Variants in TENM3 observed in about 807,000 individuals in gnomAD.
TENM3 encodes the protein teneurin transmembrane protein 3, also known as teneurin-3.
A neutral mutation model predicts 255.1 loss-of-function variants in TENM3; 63 were observed. The ratio of observed to expected loss-of-function variants is 0.25; its 90% CI spans 0.20 to 0.30. TENM3 has a LOEUF of 0.30. TENM3 is among the 10% of genes least tolerant of loss of function. The pLI, the probability that TENM3 is intolerant of heterozygous loss-of-function variation, is 1.00. For missense variants in TENM3, 2,929 were observed against 3,461.1 expected (o/e 0.85, Z 3.86); for synonymous variants, 1,306 against 1,322.3 (o/e 0.99, Z 0.27).
At chr4:182,128,223 T>C in the TENM3 span, among the ~76,000 whole-genome samples, 1 of 152,152 alleles carries the variant, frequency 6.6e-6, no homozygotes, top group Non-Finnish European at 1.5e-5. Flanking sequence ...TTAATGGATG[T>C]TATCTTATCC....
intron 1 of TENM3, among the ~76,000 whole-genome samples, chr4:182,263,445 C>T (rs148744761): frequency 2.3e-4 from 35 of 152,238 alleles, no homozygotes; most frequent in African/African-American, 7.9e-4. Flanking sequence ...AGAGGCCCCT[C>T]TCTATAAAGT....
At chr4:182,237,304 G>C (rs553097925) in intron 1 of TENM3, among the ~76,000 whole-genome samples, 1 of 151,968 alleles carries the variant, frequency 6.6e-6, no homozygotes. Flanking sequence ...TAGTGCTGCA[G>C]TAAACATACA....
At chr4:181,620,871 A>T in the TENM3 span, among the ~76,000 whole-genome samples, 1 of 152,122 alleles carries the variant, frequency 6.6e-6, no homozygotes, top group Non-Finnish European at 1.5e-5. Flanking sequence ...TCTCAAATAG[A>T]ATTTTTTAAT....
chr4:182,269,540 GC>G (rs1759474833), intron 1 of TENM3, among the ~76,000 whole-genome samples: 2 of 151,800 alleles, frequency 1.3e-5, no homozygotes, highest in Admixed American at 1.3e-4. Flanking sequence ...CCCTGTACAG[GC>G]CCCCTCCCCT....
chr4:182,278,394 A>G (rs188761552), intron 1 of TENM3, among the ~76,000 whole-genome samples: 323 of 152,212 alleles, frequency 2.1e-3, no homozygotes, highest in African/African-American at 7.3e-3. Flanking sequence ...AAAAAGAAAA[A>G]AAAGAAATGT....
the TENM3 span, among the ~76,000 whole-genome samples, chr4:181,690,144 G>A: frequency 1.3e-5 from 2 of 152,128 alleles, no homozygotes; most frequent in African/African-American, 4.8e-5. Context: ...CCTGTTCAAA[G>A]GACTAAAATT....
At chr4:182,765,112 A>G (rs930623035) in intron 22 of TENM3, among the ~76,000 whole-genome samples, 1 of 148,780 alleles carries the variant, frequency 6.7e-6, no homozygotes, top group Non-Finnish European at 1.5e-5. Flanking sequence ...TGAGAGTACC[A>G]TGGCACAGTC....
At chr4:182,102,316 C>A in the TENM3 span, among the ~76,000 whole-genome samples, 1 of 152,146 alleles carries the variant, frequency 6.6e-6, no homozygotes, top group South Asian at 2.1e-4. Context: ...GGTAATCAGA[C>A]TACTTGGTGT....
intron 3 of TENM3, among the ~76,000 whole-genome samples, chr4:182,573,229 T>C (rs532427270): frequency 9.2e-5 from 14 of 152,314 alleles, no homozygotes; most frequent in Middle Eastern, 3.4e-3. Context: ...TGAGTAGGAC[T>C]TACCGAATAA....
intron 1 of TENM3, among the ~76,000 whole-genome samples, chr4:182,223,296 G>T (rs147706309): frequency 2.0e-5 from 3 of 152,048 alleles, no homozygotes; most frequent in Non-Finnish European, 2.9e-5. Flanking sequence ...ATTGATTTGG[G>T]CAAGAAAGAC....
the TENM3 span, among the ~76,000 whole-genome samples, chr4:181,492,311 T>G: frequency 6.6e-6 from 1 of 152,214 alleles, no homozygotes; most frequent in East Asian, 1.9e-4. Flanking sequence ...TACCACATAT[T>G]TTAGCCAGTC....
At chr4:182,048,618 T>C in the TENM3 span, among the ~76,000 whole-genome samples, 3 of 152,204 alleles carry the variant, frequency 2.0e-5, no homozygotes, top group African/African-American at 7.2e-5. Context: ...GTAAAGGATA[T>C]GTTTTTGTAC....
At chr4:182,002,800 T>C in the TENM3 span, among the ~76,000 whole-genome samples, 1 of 152,138 alleles carries the variant, frequency 6.6e-6, no homozygotes, top group Admixed American at 6.6e-5. Context: ...CCATTCTTTC[T>C]GAAAGAAGAC....
chr4:181,656,834 G>A, the TENM3 span, among the ~76,000 whole-genome samples: 1 of 152,206 alleles, frequency 6.6e-6, no homozygotes, highest in South Asian at 2.1e-4. Context: ...AGGAAAGGGT[G>A]CAGTAAGTCT....
chr4:181,752,881 G>T, the TENM3 span, among the ~76,000 whole-genome samples: 1 of 152,166 alleles, frequency 6.6e-6, no homozygotes, highest in African/African-American at 2.4e-5. Context: ...TAGCTCAGTG[G>T]CAATTTAATA....
the TENM3 span, among the ~76,000 whole-genome samples, chr4:181,676,093 C>T: frequency 6.6e-6 from 1 of 151,936 alleles, no homozygotes. Flanking sequence ...GGTGCATTTT[C>T]TTTTTCTGTA....
At chr4:182,539,754 GGGAATATAA>G (rs1271571134) in intron 3 of TENM3, among the ~76,000 whole-genome samples, 1 of 152,196 alleles carries the variant, frequency 6.6e-6, no homozygotes, top group Non-Finnish European at 1.5e-5. Flanking sequence ...TCTAGGTTCT[GGGAATATAA>G]ATGTGTATAA....
At chr4:182,220,880 T>A (rs1755814491) in intron 1 of TENM3, among the ~76,000 whole-genome samples, 2 of 152,182 alleles carry the variant, frequency 1.3e-5, no homozygotes, top group African/African-American at 2.4e-5. Flanking sequence ...AGAAAGAATA[T>A]TTTTCTTCTG....
At chr4:181,827,586 T>A in the TENM3 span, among the ~76,000 whole-genome samples, 3 of 152,316 alleles carry the variant, frequency 2.0e-5, no homozygotes, top group African/African-American at 7.2e-5. Flanking sequence ...AAGCAATGTC[T>A]TCTGAAGCTC....
Sources: allele counts gnomAD v4.1 joint callset (sites outside exome capture counted in the v4.1 genomes callset), GRCh38; gene constraint gnomAD v4.1.1; transcripts MANE v1.5; gene names NCBI Gene and HGNC (gene_info 2026-07-23, HGNC 2026-07-21).